Variants in MECOM observed in about 807,000 individuals in gnomAD.
MECOM encodes the protein MDS1 and EVI1 complex locus, also known as histone-lysine N-methyltransferase MECOM.
A neutral mutation model predicts 116.3 loss-of-function variants in MECOM; 13 were observed. The observed-to-expected ratio is 0.11, with a 90% CI of 0.07 to 0.18. The LOEUF (loss-of-function observed/expected upper bound fraction) is 0.18, where lower values mean the gene tolerates loss of function less well. Among genes scored for constraint, MECOM ranks in the 10% least tolerant of loss-of-function variants. The probability of loss-of-function intolerance (pLI) is 1.00; values close to 1 mark genes in which losing one functional copy is unlikely to be tolerated. For missense variants in MECOM, 1,299 were observed against 1,509.0 expected (o/e 0.86, Z 2.31); for synonymous variants, 528 against 535.2 (o/e 0.99, Z 0.19).
intron 1 of MECOM, among the ~76,000 whole-genome samples, chr3:169,421,237 A>C (rs148041366): frequency 6.6e-6 from 1 of 152,182 alleles, no homozygotes; most frequent in East Asian, 1.9e-4. Context: ...TTGATCATTT[A>C]TTATTAATAT....
chr3:169,259,192 A>T (rs1487640541), intron 2 of MECOM, among the ~76,000 whole-genome samples: 1 of 148,950 alleles, frequency 6.7e-6, no homozygotes, highest in African/African-American at 2.5e-5. Context: ...AAAGGGCCCA[A>T]TTTTTTTTTT....
At chr3:169,631,585 A>T (rs948130996) in intron 1 of MECOM, among the ~76,000 whole-genome samples, 1 of 147,486 alleles carries the variant, frequency 6.8e-6, no homozygotes, top group Non-Finnish European at 1.5e-5. Context: ...AGCATTAGGT[A>T]TATCTCCTAA....
intron 1 of MECOM, among the ~76,000 whole-genome samples, chr3:169,628,118 T>G: frequency 6.6e-6 from 1 of 152,182 alleles, no homozygotes; most frequent in East Asian, 1.9e-4. Context: ...CTGCCACCTG[T>G]GAAACTTCGA....
intron 1 of MECOM, among the ~76,000 whole-genome samples, chr3:169,446,465 T>C (rs1744646560): frequency 6.6e-6 from 1 of 152,154 alleles, no homozygotes; most frequent in Non-Finnish European, 1.5e-5. Context: ...TTAAACCTTT[T>C]TTTCTTCCTA....
chr3:169,200,585 C>T (rs914813486), intron 2 of MECOM, among the ~76,000 whole-genome samples: 4 of 151,880 alleles, frequency 2.6e-5, no homozygotes, highest in Non-Finnish European at 2.9e-5. Flanking sequence ...GACATAATGC[C>T]GAGCAACAGA....
rs756925389 is a variant in MECOM at position 169,548,971 on chromosome 3, CTTTTTTTTTTTT to C, written c.37+114353_37+114364del. Among the ~76,000 whole-genome samples, 7 of 119,072 alleles carry C rather than the reference CTTTTTTTTTTTT, an allele frequency of 5.9e-5. No homozygotes were observed. In the East Asian group the frequency reaches 1.4e-3, roughly 25 times the overall value. 78.1% of individuals were successfully genotyped at this position (119,072 alleles called of 152,430 possible). A position where few individuals can be genotyped will look rare whatever the true frequency, so the allele number is the denominator to read the frequency against. On this transcript the variant is annotated intron_variant, in intron 1 of 16. Transcript: ENST00000651503. The stretch of plus-strand genomic sequence containing the variant: ...ACACGTAAAACTGACATTTGTCTCT[CTTTTTTTTTTTT>C]TTTTTTTTGAGACGAAGTCTCACTC...
At chr3:169,178,181 A>G (rs1330123531) in intron 2 of MECOM, among the ~76,000 whole-genome samples, 1 of 152,184 alleles carries the variant, frequency 6.6e-6, no homozygotes, top group East Asian at 1.9e-4. Context: ...AATGTGTGAA[A>G]GCCTGCAAGC....
chr3:169,209,699 A>G (rs938802004), intron 2 of MECOM, among the ~76,000 whole-genome samples: 2 of 152,158 alleles, frequency 1.3e-5, no homozygotes, highest in African/African-American at 2.4e-5. Flanking sequence ...AAAAGTCAAG[A>G]AACAATAGAT....
chr3:169,193,998 T>A lies in MECOM; in HGVS notation c.376-50166A>T, dbSNP rs116212252. 2.8e-3 allele frequency among the ~76,000 whole-genome samples: 426 copies of A among 152,156 alleles called. 3 individuals are homozygous for A. The highest frequency in any genetic ancestry group is 7.3e-3 in the African/African-American group (304 of 41,546). ...AAACTTTTCCTCCAAATACTAATAC[T>A]GTAATGACAAATGATTACAAAATCT... is the stretch of plus-strand genomic sequence containing the variant. On this transcript the variant is annotated intron_variant, in intron 2 of 16. Coordinates refer to ENST00000651503, the MANE Select transcript of MECOM (RefSeq NM_004991.4).
chr3:169,597,414 A>G (rs1489498404), intron 1 of MECOM, among the ~76,000 whole-genome samples: 1 of 152,218 alleles, frequency 6.6e-6, no homozygotes, highest in African/African-American at 2.4e-5. Flanking sequence ...AAAGCTGCTC[A>G]GGAAAACCAA....
At chr3:169,237,503 C>A (rs562858421) in intron 2 of MECOM, among the ~76,000 whole-genome samples, 1 of 151,532 alleles carries the variant, frequency 6.6e-6, no homozygotes, top group Non-Finnish European at 1.5e-5. Context: ...AACTTGTCCC[C>A]GTATGAAATA....
chr3:169,533,009 T>C (rs561147981), intron 1 of MECOM, among the ~76,000 whole-genome samples: 1 of 152,186 alleles, frequency 6.6e-6, no homozygotes. Context: ...TACATAAAAA[T>C]GTGATGAACA....
At chr3:169,659,645 C>G (rs1010112509) in intron 1 of MECOM, among the ~76,000 whole-genome samples, 1 of 151,888 alleles carries the variant, frequency 6.6e-6, no homozygotes, top group Non-Finnish European at 1.5e-5. Context: ...CTGAAATAAA[C>G]AAATAAAAGT....
At chr3:169,365,403 G>A (rs1168064845) in intron 2 of MECOM, among the ~76,000 whole-genome samples, 2 of 151,972 alleles carry the variant, frequency 1.3e-5, no homozygotes, top group Non-Finnish European at 2.9e-5. Context: ...ATACATATCT[G>A]TGTTGTAAAA....
intron 2 of MECOM, among the ~76,000 whole-genome samples, chr3:169,216,952 T>TA (rs138735601): frequency 0.11 from 16,588 of 152,032 alleles, 997 homozygotes; most frequent in Non-Finnish European, 0.13. Flanking sequence ...ATTTAAGTCA[T>TA]AAAAATCTAC....
intron 13 of MECOM, among the ~76,000 whole-genome samples, chr3:169,094,039 A>T (rs6795291): frequency 0.33 from 50,065 of 151,978 alleles, 8,523 homozygotes; most frequent in South Asian, 0.49. Context: ...ACACAGTTAG[A>T]GTGGCCAGTT....
chr3:169,606,204 G>A (rs1199950687), intron 1 of MECOM, among the ~76,000 whole-genome samples: 1 of 152,124 alleles, frequency 6.6e-6, no homozygotes, highest in Non-Finnish European at 1.5e-5. Flanking sequence ...CTGAGATCAG[G>A]AGTTCAAGAC....
At chr3:169,580,132 CTATT>C (rs1764949566) in intron 1 of MECOM, among the ~76,000 whole-genome samples, 1 of 152,150 alleles carries the variant, frequency 6.6e-6, no homozygotes, top group African/African-American at 2.4e-5. Context: ...TATTAGTAGA[CTATT>C]TGTCTATATT....
At chr3:169,600,077 T>A (rs1333122029) in intron 1 of MECOM, among the ~76,000 whole-genome samples, 1 of 152,100 alleles carries the variant, frequency 6.6e-6, no homozygotes, top group Non-Finnish European at 1.5e-5. Flanking sequence ...ACTCAAGCCA[T>A]TCTCGTGCCT....
Sources: allele counts gnomAD v4.1 joint callset (sites outside exome capture counted in the v4.1 genomes callset), GRCh38; gene constraint gnomAD v4.1.1; transcripts MANE v1.5; gene names NCBI Gene and HGNC (gene_info 2026-07-23, HGNC 2026-07-21).